Variants in MASTL observed in about 807,000 individuals in gnomAD.
MASTL encodes microtubule associated serine/threonine kinase like.
A neutral mutation model predicts 82.5 loss-of-function variants in MASTL; 54 were observed. The ratio of observed to expected loss-of-function variants is 0.65; its 90% CI spans 0.53 to 0.82. The LOEUF (loss-of-function observed/expected upper bound fraction) is 0.82. MASTL is among the 40% of genes least tolerant of loss of function. The probability of loss-of-function intolerance (pLI) is 0.00; values close to 1 mark genes in which losing one functional copy is unlikely to be tolerated. For synonymous variants in MASTL, 323 were observed against 368.9 expected, an observed-to-expected ratio of 0.88 and a Z score of 1.43; for missense variants, 950 against 1,047.8, an observed-to-expected ratio of 0.91 and a Z score of 1.29.
intron 9 of MASTL, among the ~76,000 whole-genome samples, chr10:27,174,353 T>TAAAAA (rs964816834): frequency 3.6e-4 from 54 of 151,036 alleles, no homozygotes; most frequent in African/African-American, 1.1e-3. Context: ...AGACTCTGTC[T>TAAAAA]AAAAAAAAAT....
chr10:27,179,096 C>A (rs1014138556), intron 9 of MASTL, among the ~76,000 whole-genome samples: 1 of 152,108 alleles, frequency 6.6e-6, no homozygotes, highest in Non-Finnish European at 1.5e-5. Context: ...TAAAGAGTAA[C>A]TTTCAGGCAA....
chr10:27,179,931 T>C (rs796707494), intron 9 of MASTL, among the ~76,000 whole-genome samples: 88 of 152,312 alleles, frequency 5.8e-4, no homozygotes, highest in African/African-American at 2.1e-3. Context: ...TTAAGATACA[T>C]AACATATCCA....
In MASTL at chr10:27,173,106, T is replaced by G; in HGVS notation, c.2125-12T>G. ...AAGATATTTGTTATCTCTTAAACCC[T>G]TTTTGAATTAGCAGACCCCAAATCA... On this transcript the variant is annotated splice_polypyrimidine_tract_variant and intron_variant, in intron 8 of 11. Transcript: ENST00000375940. 6.2e-7 allele frequency: 1 copy of G among 1,613,848 alleles called. No individual in the cohort carries two copies. Among genetic ancestry groups the G allele is most frequent in the Non-Finnish European group, 8.5e-7 (1 of 1,179,798 alleles).
chr10:27,181,420 T>G (rs2058298143), intron 10 of MASTL, 60 bp from the exon 11 acceptor site: 1 of 1,245,298 alleles, frequency 8.0e-7, no homozygotes, highest in South Asian at 1.2e-5. Flanking sequence ...GTCATTTATC[T>G]CTGGATACTA....
Position 27,158,555 on chromosome 10 carries a change from A to C in MASTL, c.193A>C (p.Lys65Gln). ...TTTATTTTATCTATTACAGGTTGTT[A>C]AAAAAGCAGACATGATCAACAAAAA... is the stretch of plus-strand genomic sequence containing the variant. Reference protein sequence around the residue: ...GGKLYAVKVVKKADMINKNMT... With the variant: ...GGKLYAVKVVQKADMINKNMT... Residue 65 changes from lysine to glutamine, a missense_variant, in exon 2 of 12, where the codon AAA (lysine) becomes CAA (glutamine). Physicochemically the swap from Lys to Gln is moderately conservative, Grantham distance 53. Transcript: ENST00000375940. The C allele has an allele frequency of 1.3e-6, 2 of 1,598,410 alleles. No homozygotes were observed. The highest frequency in any genetic ancestry group is 1.7e-6 in the Non-Finnish European group (2 of 1,165,782).
At chr10:27,168,898 C>T (rs183915219) in intron 7 of MASTL, among the ~76,000 whole-genome samples, 156 of 152,226 alleles carry the variant, frequency 1.0e-3, no homozygotes, top group Admixed American at 1.6e-3. Context: ...TTCATTTACA[C>T]ATCAAAAATA....
At chr10:27,172,609 G>A (rs759360939) in intron 8 of MASTL, among the ~76,000 whole-genome samples, 16 of 151,962 alleles carry the variant, frequency 1.1e-4, no homozygotes, top group East Asian at 5.8e-4. Flanking sequence ...AGCCGAGATC[G>A]CACCACTGCA....
chr10:27,180,676 G>A (rs528073269), intron 9 of MASTL, among the ~76,000 whole-genome samples: 2 of 152,298 alleles, frequency 1.3e-5, no homozygotes, highest in South Asian at 4.2e-4. Context: ...ACAGGCATAA[G>A]CCACCGCGCC....
In MASTL at chr10:27,161,107, G is replaced by A. The variant is rs201425706; in HGVS notation, c.478G>A (p.Asp160Asn). Reference sequence around the variant, plus strand: ...TTGTGTGTGCAGGGACTTGAAACCGGACAATATGCTTATTTCTAATGAGGG... The same window carrying A: ...TTGTGTGTGCAGGGACTTGAAACCGAACAATATGCTTATTTCTAATGAGGG... ...HGIIHRDLKP[D>N]NMLISNEGHI... Residue 160 changes from aspartate to asparagine, a missense_variant, in exon 4 of 12, where the codon GAC (aspartate) becomes AAC (asparagine). Coordinates refer to ENST00000375940, the MANE Select transcript of MASTL (RefSeq NM_001172303.3). 4.8e-5 allele frequency: 77 copies of A among 1,612,280 alleles called. No individual in the cohort carries two copies. Among genetic ancestry groups the A allele is most frequent in the Non-Finnish European group, 2.4e-5 (28 of 1,178,572 alleles).
chr10:27,184,370 C>G (rs1300973198), intron 11 of MASTL, among the ~76,000 whole-genome samples: 1 of 152,016 alleles, frequency 6.6e-6, no homozygotes, highest in Non-Finnish European at 1.5e-5. Flanking sequence ...TTTTTCAAGG[C>G]ACTTCAGACT....
chr10:27,165,019 G>A lies in MASTL; in HGVS notation c.554-45G>A, dbSNP rs1323493106. On this transcript the variant is annotated intron_variant, in intron 4 of 11. Transcript: ENST00000375940. ...AACATTCATTTTTAGTCAATGGGAG[G>A]TAAAGGTTTTAAATACATTTATATA... 4.1e-6 allele frequency: 5 copies of A among 1,213,994 alleles called. No individual in the cohort carries two copies. The Admixed American group carries it at 6.8e-5, about 17-fold the overall frequency. 75.2% of individuals were successfully genotyped at this position (1,213,994 alleles called of 1,614,324 possible). A position where few individuals can be genotyped will look rare whatever the true frequency, so the allele number is the denominator to read the frequency against.
Position 27,172,586 on chromosome 10 carries a change from G to A in MASTL, c.2125-532G>A, listed in dbSNP as rs201695428. Among the ~76,000 whole-genome samples, 19 of 152,192 alleles carry A rather than the reference G, an allele frequency of 1.2e-4. No individual in the cohort carries two copies. In the East Asian group the frequency reaches 2.9e-3, roughly 23 times the overall value. ...GGAAAATTCCTTGAACCTGGGAGGC[G>A]GAGGTTGTGGTGAGCCGAGATCGCA... On this transcript the variant is annotated intron_variant, in intron 8 of 11. Transcript: ENST00000375940.
chr10:27,178,771 C>A (rs1406444015), intron 9 of MASTL, among the ~76,000 whole-genome samples: 2 of 150,174 alleles, frequency 1.3e-5, no homozygotes, highest in African/African-American at 2.4e-5. Context: ...TTTTCTAATT[C>A]CCCCCTACTT....
At chr10:27,156,209 A>T (rs1418793676) in intron 1 of MASTL, among the ~76,000 whole-genome samples, 1 of 144,090 alleles carries the variant, frequency 6.9e-6, no homozygotes, top group African/African-American at 2.7e-5. Context: ...TTTCTTTAGT[A>T]GAGACGGGGT....
At chr10:27,175,648 T>C (rs2058080330) in intron 9 of MASTL, among the ~76,000 whole-genome samples, 1 of 152,216 alleles carries the variant, frequency 6.6e-6, no homozygotes, top group African/African-American at 2.4e-5. Flanking sequence ...ACGTGCTCCA[T>C]GTTCATCTCA....
At chr10:27,173,869 G>A (rs1021870940) in intron 9 of MASTL, among the ~76,000 whole-genome samples, 6 of 151,804 alleles carry the variant, frequency 4.0e-5, no homozygotes, top group African/African-American at 1.5e-4. Flanking sequence ...GTGAGCCACC[G>A]TACCCGGCCT....
chr10:27,177,766 T>A, intron 9 of MASTL: 1 of 864,220 alleles, frequency 1.2e-6, no homozygotes, highest in Non-Finnish European at 1.4e-6. Flanking sequence ...ATAATTTTAA[T>A]ACAGTGTACC....
At chr10:27,156,486 C>A (rs2057384714) in intron 1 of MASTL, among the ~76,000 whole-genome samples, 1 of 151,900 alleles carries the variant, frequency 6.6e-6, no homozygotes, top group African/African-American at 2.4e-5. Context: ...AGAAAGATTA[C>A]TATTTTCTGA....
chr10:27,184,037 C>T (rs2058485629), intron 11 of MASTL, among the ~76,000 whole-genome samples: 4 of 152,084 alleles, frequency 2.6e-5, no homozygotes, highest in Admixed American at 2.6e-4. Context: ...CTGATTTAAC[C>T]AATCCTATAG....
Sources: gnomAD v4.1 joint callset for allele counts (sites outside exome capture counted in the v4.1 genomes callset) on GRCh38, gnomAD v4.1.1 for gene constraint, MANE v1.5 for transcripts, NCBI Gene and HGNC (gene_info 2026-07-23, HGNC 2026-07-21) for gene names.